The following BTBD8 variants were observed in gnomAD, a reference collection of about 807,000 sequenced individuals.
The protein encoded by BTBD8 is BTB/POZ domain-containing protein 8.
Under a neutral mutation model 162.9 loss-of-function variants are expected in BTBD8, and 110 were observed. That is an observed-to-expected ratio of 0.68 (90% CI 0.58 to 0.79). BTBD8 has a LOEUF of 0.79. Among genes scored for constraint, BTBD8 ranks in the 30% least tolerant of loss-of-function variants. The probability of loss-of-function intolerance (pLI) is 0.00; values close to 1 mark genes in which losing one functional copy is unlikely to be tolerated. For missense variants in BTBD8, 1,905 were observed against 2,085.4 expected (o/e 0.91, Z 1.68); for synonymous variants, 667 against 716.1 (o/e 0.93, Z 1.10).
At chr1:92,107,096 T>G (rs559397834) in intron 3 of BTBD8, among the ~76,000 whole-genome samples, 13 of 151,858 alleles carry the variant, frequency 8.6e-5, no homozygotes, top group Admixed American at 7.2e-4. Context: ...TAAAATACAG[T>G]TTTTTTTAGA....
chr1:92,114,177 TGA>T (rs1395532947), intron 4 of BTBD8, among the ~76,000 whole-genome samples: 1 of 152,046 alleles, frequency 6.6e-6, no homozygotes, highest in Non-Finnish European at 1.5e-5. Flanking sequence ...ATTGTGGTGC[TGA>T]GATTGGGATT....
chr1:92,092,082 G>T (rs751732851), intron 2 of BTBD8, among the ~76,000 whole-genome samples: 16 of 152,052 alleles, frequency 1.1e-4, no homozygotes, highest in Admixed American at 7.2e-4. Context: ...TGAGGGTGGG[G>T]TCTTCATAAG....
In BTBD8 at chr1:92,177,220, T is replaced by G; in HGVS notation, c.2027T>G (p.Leu676Arg). Reference sequence around the variant, plus strand: ...GCAGCAACTGGACAGAAGAATTTACTAAATGGAAAAGGAGTGAGAAATCAG... The same window carrying G: ...GCAGCAACTGGACAGAAGAATTTACGAAATGGAAAAGGAGTGAGAAATCAG... ...AAAATGQKNL[L>R]NGKGVRNQEG... The change falls in exon 14 of 18, where the codon CTA becomes CGA. Residue 676 changes from leucine (L) to arginine (R), a missense_variant. By Grantham distance (102) the Leu-to-Arg change is moderately radical. Coordinates refer to ENST00000636805, the MANE Select transcript of BTBD8 (RefSeq NM_001376131.1). The G allele has an allele frequency of 6.4e-7, 1 of 1,551,918 alleles. No individual in the cohort carries two copies. Among genetic ancestry groups the G allele is most frequent in the Non-Finnish European group, 8.7e-7 (1 of 1,147,028 alleles).
At chr1:92,146,961 A>G (rs1360489787) in intron 7 of BTBD8, among the ~76,000 whole-genome samples, 1 of 152,192 alleles carries the variant, frequency 6.6e-6, no homozygotes, top group Non-Finnish European at 1.5e-5. Flanking sequence ...AAGGAAAAAA[A>G]TTAAGAGTCT....
chr1:92,139,660 T>A (rs202204292), intron 6 of BTBD8: 7 of 115,660 alleles, frequency 6.1e-5, no homozygotes, highest in Non-Finnish European at 7.6e-5. Flanking sequence ...TTATTAGACT[T>A]AAATTTAGAA....
Position 92,180,424 on chromosome 1 carries a change from C to T in BTBD8, c.2741C>T (p.Ala914Val). 6.4e-7 allele frequency: 1 copy of T among 1,551,008 alleles called. No individual in the cohort carries two copies. Among genetic ancestry groups the T allele is most frequent in the Non-Finnish European group, 8.7e-7 (1 of 1,146,786 alleles). ...QVHTALPKVNAKIVAMPKNLN... is the reference protein window; with the variant it reads ...QVHTALPKVNVKIVAMPKNLN... ...CACACAGCTTTGCCTAAGGTTAATG[C>T]AAAAATAGTGGCAATGCCTAAAAAT... is the stretch of plus-strand genomic sequence containing the variant. The change falls in exon 17 of 18, where the codon GCA (alanine) becomes GTA (valine). Residue 914 changes from alanine (A) to valine (V), a missense_variant. Ala to Val is a moderately conservative substitution (Grantham distance 64). Transcript: ENST00000636805.
intron 3 of BTBD8, among the ~76,000 whole-genome samples, chr1:92,107,093 C>T (rs1213606074): frequency 1.3e-5 from 2 of 151,978 alleles, no homozygotes; most frequent in Non-Finnish European, 2.9e-5. Flanking sequence ...AAATAAAATA[C>T]AGTTTTTTTT....
chr1:92,149,184 T>A (rs1344005378), intron 9 of BTBD8, among the ~76,000 whole-genome samples: 1 of 152,204 alleles, frequency 6.6e-6, no homozygotes, highest in East Asian at 1.9e-4. Flanking sequence ...TCTTAATATG[T>A]TTGTCTATAT....
At chr1:92,128,123 A>T (rs904245869) in intron 4 of BTBD8, among the ~76,000 whole-genome samples, 11 of 148,636 alleles carry the variant, frequency 7.4e-5, no homozygotes, top group East Asian at 4.0e-4. Context: ...GTTTATTTTT[A>T]TTTTTTTTTT....
intron 1 of BTBD8, among the ~76,000 whole-genome samples, chr1:92,086,474 T>A (rs1250494042): frequency 6.6e-6 from 1 of 152,010 alleles, no homozygotes; most frequent in Non-Finnish European, 1.5e-5. Flanking sequence ...CTACAAAAGA[T>A]ACAAAAATTA....
In BTBD8 at chr1:92,183,802, A is replaced by G; in HGVS notation, c.4913-62A>G. Reference sequence around the variant, plus strand: ...CACTGTTATATTGTGTTAATATTCTACAAAACTCTGAGGGTACCAACGTGC... The same window carrying G: ...CACTGTTATATTGTGTTAATATTCTGCAAAACTCTGAGGGTACCAACGTGC... On this transcript the variant is annotated intron_variant, in intron 17 of 17. Coordinates refer to ENST00000636805, the MANE Select transcript of BTBD8 (RefSeq NM_001376131.1). 3 of 1,054,482 alleles carry G rather than the reference A, an allele frequency of 2.8e-6. No individual in the cohort carries two copies. In the South Asian group the frequency reaches 5.5e-5, roughly 19 times the overall value. The allele number at this position is 1,054,482 out of a possible 1,614,324, so 65.3% of individuals were successfully genotyped here.
intron 13 of BTBD8, among the ~76,000 whole-genome samples, chr1:92,174,185 T>G (rs1192003608): frequency 6.6e-6 from 1 of 152,118 alleles, no homozygotes; most frequent in Non-Finnish European, 1.5e-5. Context: ...CTCTTATGAT[T>G]ATGTTTAATT....
rs940926603 is a variant in BTBD8, at chr1:92,180,838, G to A, written c.3155G>A (p.Ser1052Asn). The change falls in exon 17 of 18, where the codon AGT (serine) becomes AAT (asparagine). Residue 1052 changes from serine to asparagine, a missense_variant. Ser to Asn is a conservative substitution (Grantham distance 46). Transcript: ENST00000636805. ...TCAAAACAGATTTGTTTAGATAAAA[G>A]TGAAACAAAATTTCCCAATCACAAA... is the stretch of plus-strand genomic sequence containing the variant. Reference protein sequence around the residue: ...LESKQICLDKSETKFPNHKET... With the variant: ...LESKQICLDKNETKFPNHKET... 6.4e-7 allele frequency: 1 copy of A among 1,551,334 alleles called. No homozygotes were observed. The highest frequency in any genetic ancestry group is 8.7e-7 in the Non-Finnish European group (1 of 1,146,936).
intron 9 of BTBD8, among the ~76,000 whole-genome samples, chr1:92,155,765 A>G (rs1028208457): frequency 1.3e-5 from 2 of 152,204 alleles, no homozygotes; most frequent in African/African-American, 4.8e-5. Flanking sequence ...TTGAAATGCA[A>G]CTGATTATTG....
chr1:92,170,944 A>G (rs1650521734), intron 12 of BTBD8, among the ~76,000 whole-genome samples: 1 of 151,838 alleles, frequency 6.6e-6, no homozygotes, highest in Admixed American at 6.6e-5. Context: ...TATATCTGCA[A>G]AACCAGAAAA....
At chr1:92,150,999 T>C (rs1650030865) in intron 9 of BTBD8, 1 of 152,076 alleles carries the variant, frequency 6.6e-6, no homozygotes, top group African/African-American at 2.4e-5. Flanking sequence ...ATAGAAGATA[T>C]GTCAAAATCT....
chr1:92,092,604 T>C, intron 2 of BTBD8, among the ~76,000 whole-genome samples: 1 of 152,188 alleles, frequency 6.6e-6, no homozygotes, highest in South Asian at 2.1e-4. Context: ...GTCTATGGTA[T>C]TTCATTATGG....
At chr1:92,183,756 T>A (rs1433883924) in intron 17 of BTBD8, 108 bp from the exon 18 acceptor site, 1 of 160,018 alleles carries the variant, frequency 6.2e-6, no homozygotes, top group Non-Finnish European at 9.4e-6. Flanking sequence ...CCATTCTGTG[T>A]TTTTTTTTTT....
chr1:92,085,301 T>A (rs1648128559), intron 1 of BTBD8, among the ~76,000 whole-genome samples: 1 of 152,236 alleles, frequency 6.6e-6, no homozygotes, highest in African/African-American at 2.4e-5. Context: ...TGTTGAATTT[T>A]ACAGGCCTGG....
Sources: gnomAD v4.1 joint callset for allele counts (sites outside exome capture counted in the v4.1 genomes callset) on GRCh38, gnomAD v4.1.1 for gene constraint, MANE v1.5 for transcripts, NCBI Gene and HGNC (gene_info 2026-07-23, HGNC 2026-07-21) for gene names.